The following CBLN2 variants were observed in gnomAD, a reference collection of about 807,000 sequenced individuals.
CBLN2 encodes the protein cerebellin-2.
Under a neutral mutation model 15.0 loss-of-function variants are expected in CBLN2, and 7 were observed. That is an observed-to-expected ratio of 0.47 (90% CI 0.27 to 0.88). The LOEUF (loss-of-function observed/expected upper bound fraction) is 0.88. CBLN2 is among the 40% of genes least tolerant of loss of function. CBLN2 has a pLI of 0.14. For synonymous variants in CBLN2, 149 were observed against 135.2 expected (o/e 1.10, Z -0.71); for missense variants, 242 against 304.5 (o/e 0.79, Z 1.53).
chr18:72,627,684 A>G (rs1179937238), intron 1 of CBLN2, among the ~76,000 whole-genome samples: 5 of 152,260 alleles, frequency 3.3e-5, no homozygotes, highest in Non-Finnish European at 7.3e-5. Context: ...ATGCGCAAGC[A>G]CGATCCTAAA....
chr18:72,579,426 T>A (rs1469987874), intron 1 of CBLN2, among the ~76,000 whole-genome samples: 1 of 152,164 alleles, frequency 6.6e-6, no homozygotes, highest in Non-Finnish European at 1.5e-5. Flanking sequence ...AATGTATTAT[T>A]GAGCTGGAAG....
chr18:72,626,424 C>A (rs903848605), intron 1 of CBLN2, among the ~76,000 whole-genome samples: 1 of 152,032 alleles, frequency 6.6e-6, no homozygotes, highest in Non-Finnish European at 1.5e-5. Context: ...AAAATAGTCA[C>A]CAATCCTTGA....
intron 1 of CBLN2, among the ~76,000 whole-genome samples, chr18:72,561,577 G>A (rs2069261810): frequency 6.6e-6 from 1 of 152,128 alleles, no homozygotes; most frequent in Non-Finnish European, 1.5e-5. Flanking sequence ...TATTAACAGT[G>A]CATACATTAT....
chr18:72,617,107 C>T (rs745861096), intron 1 of CBLN2, among the ~76,000 whole-genome samples: 2 of 152,110 alleles, frequency 1.3e-5, no homozygotes, highest in South Asian at 2.1e-4. Context: ...TTTAAAAACA[C>T]GTTCTTACAG....
At chr18:72,628,274 T>G (rs1213806833) in intron 1 of CBLN2, among the ~76,000 whole-genome samples, 5 of 152,234 alleles carry the variant, frequency 3.3e-5, no homozygotes, top group Admixed American at 6.5e-5. Context: ...AAATAGAAAC[T>G]GAAAAACTAT....
At chr18:72,547,857 G>T (rs1481620504), upstream of CBLN2, among the ~76,000 whole-genome samples, 1 of 152,174 alleles carries the variant, frequency 6.6e-6, no homozygotes, top group Non-Finnish European at 1.5e-5. Flanking sequence ...AAGTCCAACA[G>T]TTGGAAGCTA....
Position 72,538,033 on chromosome 18 carries a change from T to G in CBLN2, c.*143A>C. ...AAAACAAAAACAAAAGTACTGGAGG[T>G]TTCAAAGGAAATCATTCTTCTACTG... On this transcript the variant is annotated 3_prime_UTR_variant, in exon 5 of 5. Transcript: ENST00000269503. 1 of 798,868 alleles carries G rather than the reference T, an allele frequency of 1.3e-6. No homozygotes were observed. The highest frequency in any genetic ancestry group is 2.0e-6 in the Non-Finnish European group (1 of 500,234). 49.5% of individuals were successfully genotyped at this position (798,868 alleles called of 1,614,324 possible). A position where few individuals can be genotyped will look rare whatever the true frequency, so the allele number is the denominator to read the frequency against.
intron 1 of CBLN2, among the ~76,000 whole-genome samples, chr18:72,615,097 A>G (rs1304036882): frequency 7.4e-6 from 1 of 134,980 alleles, no homozygotes; most frequent in Non-Finnish European, 1.5e-5. Flanking sequence ...ATATATAAAT[A>G]TATTTATACA....
chr18:72,605,738 T>C (rs919771695), intron 1 of CBLN2, among the ~76,000 whole-genome samples: 1 of 152,208 alleles, frequency 6.6e-6, no homozygotes, highest in Non-Finnish European at 1.5e-5. Context: ...AATATATAAT[T>C]TTCCCTCCTT....
intron 1 of CBLN2, among the ~76,000 whole-genome samples, chr18:72,577,285 T>A (rs2144913899): frequency 6.6e-6 from 1 of 152,070 alleles, no homozygotes; most frequent in South Asian, 2.1e-4. Flanking sequence ...TAAAAACTAA[T>A]TTGCCACAAA....
At chr18:72,597,500 A>G (rs778372788) in intron 1 of CBLN2, among the ~76,000 whole-genome samples, 6 of 152,202 alleles carry the variant, frequency 3.9e-5, no homozygotes, top group Admixed American at 3.3e-4. Flanking sequence ...CAAAGCCAGC[A>G]TAGTACAAGG....
At position 72,554,672 on chromosome 18, in the gene CBLN2, A is replaced by G. The variant is rs2069213241; in HGVS notation, c.16-15900T>C. Among the ~76,000 whole-genome samples the G allele has an allele frequency of 2.0e-5, 3 of 152,126 alleles. No homozygotes were observed. In the South Asian group the frequency reaches 6.2e-4, roughly 32 times the overall value. ...AATGCCTGCAAAGAAAAAAAAAACT[A>G]AAAACTCAGTGACAAAAAGTTACAT... On this transcript the variant is annotated intron_variant, in intron 1 of 2. Coordinates refer to the CBLN2 transcript ENST00000581073.
intron 1 of CBLN2, among the ~76,000 whole-genome samples, chr18:72,569,079 G>C (rs1178579763): frequency 6.6e-6 from 1 of 152,136 alleles, no homozygotes; most frequent in Non-Finnish European, 1.5e-5. Flanking sequence ...TGGAAAACTA[G>C]TTGTTAAATA....
chr18:72,637,260 G>C (rs2069819404), intron 1 of CBLN2, among the ~76,000 whole-genome samples: 1 of 135,786 alleles, frequency 7.4e-6, no homozygotes, highest in African/African-American at 2.8e-5. Context: ...TCAAAGTTGG[G>C]CGATTGTGCC....
intron 1 of CBLN2, among the ~76,000 whole-genome samples, chr18:72,571,909 A>G (rs1269273731): frequency 6.6e-6 from 1 of 152,222 alleles, no homozygotes; most frequent in Non-Finnish European, 1.5e-5. Context: ...TATCAAAACC[A>G]GGAATAACCT....
intron 1 of CBLN2, among the ~76,000 whole-genome samples, chr18:72,599,803 A>G (rs1239428153): frequency 3.9e-5 from 6 of 152,252 alleles, no homozygotes; most frequent in African/African-American, 1.4e-4. Flanking sequence ...GATGACCTTC[A>G]TCTTGTGAGA....
intron 1 of CBLN2, among the ~76,000 whole-genome samples, chr18:72,581,394 G>A (rs1029127195): frequency 6.6e-6 from 1 of 151,930 alleles, no homozygotes; most frequent in African/African-American, 2.4e-5. Flanking sequence ...GCCATCCCCT[G>A]GTTCTTTAAA....
At chr18:72,569,072 A>C (rs2069314095) in intron 1 of CBLN2, among the ~76,000 whole-genome samples, 1 of 152,206 alleles carries the variant, frequency 6.6e-6, no homozygotes, top group Non-Finnish European at 1.5e-5. Context: ...CTTCTTTTGG[A>C]AAACTAGTTG....
At chr18:72,584,466 T>C (rs1444968634) in intron 1 of CBLN2, among the ~76,000 whole-genome samples, 3 of 151,736 alleles carry the variant, frequency 2.0e-5, no homozygotes. Context: ...CATGCCCAGC[T>C]AATTTTTTAA....
Sources: allele counts gnomAD v4.1 joint callset (sites outside exome capture counted in the v4.1 genomes callset), GRCh38; gene constraint gnomAD v4.1.1; transcripts MANE v1.5; gene names NCBI Gene and HGNC (gene_info 2026-07-23, HGNC 2026-07-21).